ARHGAP35: variants seen among roughly 807,000 people sequenced by gnomAD.
ARHGAP35 encodes the protein rho GTPase-activating protein 35.
In ARHGAP35, 15 loss-of-function variants were observed where a neutral mutation model predicts 111.1. The observed-to-expected ratio is 0.13, with a 90% CI of 0.09 to 0.21. The LOEUF (loss-of-function observed/expected upper bound fraction) is 0.21, where lower values mean the gene tolerates loss of function less well. ARHGAP35 is among the 10% of genes least tolerant of loss of function. The pLI is 1.00. For missense variants in ARHGAP35, 1,262 were observed against 1,873.0 expected (o/e 0.67, Z 6.02); for synonymous variants, 643 against 710.3 (o/e 0.91, Z 1.51).
At chr19:46,941,323 TCTC>T (rs1346437523) in intron 3 of ARHGAP35, among the ~76,000 whole-genome samples, 1 of 152,084 alleles carries the variant, frequency 6.6e-6, no homozygotes, top group Admixed American at 6.5e-5. Flanking sequence ...TGGTAGTTCT[TCTC>T]AGCCAAATTT....
chr19:46,880,713 G>C (rs185905623), intron 1 of ARHGAP35, among the ~76,000 whole-genome samples: 103 of 151,908 alleles, frequency 6.8e-4, no homozygotes, highest in African/African-American at 2.5e-3. Context: ...GTCTTGCTCT[G>C]TCACCCAGGC....
At chr19:46,913,561 C>G (rs1330377521) in intron 1 of ARHGAP35, among the ~76,000 whole-genome samples, 3 of 152,106 alleles carry the variant, frequency 2.0e-5, no homozygotes, top group Non-Finnish European at 2.9e-5. Context: ...TGGTGACAGT[C>G]TGAAGAAGGC....
Position 46,957,054 on chromosome 19 carries a change from C to T in ARHGAP35, c.3826+19646C>T, listed in dbSNP as rs181409162. Among the ~76,000 whole-genome samples, 279 of 151,512 alleles carry T rather than the reference C, an allele frequency of 1.8e-3. 1 individual carries two copies. Among genetic ancestry groups the T allele is most frequent in the Middle Eastern group, 0.017 (5 of 292 alleles). ...TCGGCTCACTGCAACCTCCGCCTCCCGGGTTCACACCATTCTCCTGTCTCA... is the reference window on the plus strand; with the variant it reads ...TCGGCTCACTGCAACCTCCGCCTCCTGGGTTCACACCATTCTCCTGTCTCA... On this transcript the variant is annotated intron_variant, in intron 3 of 6. Coordinates refer to ENST00000672722, the MANE Select transcript of ARHGAP35 (RefSeq NM_004491.5).
Position 46,937,407 on chromosome 19 carries a change from A to G in ARHGAP35, c.3825A>G (p.Thr1275=). The change falls in exon 3 of 7, where the codon ACA becomes ACG. Residue 1275 remains threonine, a splice_region_variant and synonymous_variant. Coordinates refer to ENST00000672722, the MANE Select transcript of ARHGAP35 (RefSeq NM_004491.5). ...IERCIEYIEA[T]GLSTEGIYRV... is the part of the protein sequence containing the mutation. ...GATGTATTGAGTACATTGAAGCCACAGGTAAGAGTATTACCTCATAGCAGT... is the reference window on the plus strand; with the variant it reads ...GATGTATTGAGTACATTGAAGCCACGGGTAAGAGTATTACCTCATAGCAGT... 6.2e-7 allele frequency: 1 copy of G among 1,613,908 alleles called. No individual in the cohort carries two copies. The highest frequency in any genetic ancestry group is 8.5e-7 in the Non-Finnish European group (1 of 1,179,814).
intron 1 of ARHGAP35, among the ~76,000 whole-genome samples, chr19:46,903,295 GTGGGA>G (rs781208527): frequency 2.0e-5 from 3 of 152,144 alleles, no homozygotes; most frequent in Non-Finnish European, 4.4e-5. Context: ...AGTAAATGCC[GTGGGA>G]GTCAGAGTCG....
chr19:46,889,050 G>A (rs573517662), intron 1 of ARHGAP35, among the ~76,000 whole-genome samples: 1 of 152,076 alleles, frequency 6.6e-6, no homozygotes, highest in Admixed American at 6.6e-5. Flanking sequence ...TGGGCATGGT[G>A]GCTCACACCT....
chr19:47,001,736 G>T lies in ARHGAP35; in HGVS notation c.*1048G>T. 1 of 314,720 alleles carries T rather than the reference G, an allele frequency of 3.2e-6. No individual in the cohort carries two copies. Among genetic ancestry groups the T allele is most frequent in the Non-Finnish European group, 6.2e-6 (1 of 160,476 alleles). The allele number at this position is 314,720 out of a possible 1,614,324, so 19.5% of individuals were successfully genotyped here. A position where few individuals can be genotyped will look rare whatever the true frequency, so the allele number is the denominator to read the frequency against. On this transcript the variant is annotated 3_prime_UTR_variant, in exon 7 of 7. Coordinates refer to ENST00000672722, the MANE Select transcript of ARHGAP35 (RefSeq NM_004491.5). This position sits in a 1 kb window ranked among gnomAD's most constrained non-coding sequence, Gnocchi z 5.4. ...CTAATTGAGCATGTGCGTGGGGTGG[G>T]GGTGTGTGTGCACATGTGAGTGTGA...
At position 46,999,943 on chromosome 19, in the gene ARHGAP35, G is replaced by C. The variant is rs763190661; in HGVS notation, c.4143-388G>C. ...ATGGTTGTTCCCTGAAGTTCCATGT[G>C]TGTGGAGGAGATCTGCTGGCCGAGT... On this transcript the variant is annotated intron_variant, in intron 6 of 6. Coordinates refer to ENST00000672722, the MANE Select transcript of ARHGAP35 (RefSeq NM_004491.5). The surrounding 1 kb of genome is among the most constrained non-coding windows in gnomAD (Gnocchi z 5.4). The C allele has an allele frequency of 3.9e-6, 1 of 257,012 alleles. No homozygotes were observed. Among genetic ancestry groups the C allele is most frequent in the East Asian group, 8.2e-5 (1 of 12,178 alleles). 15.9% of individuals were successfully genotyped at this position (257,012 alleles called of 1,614,324 possible). A position where few individuals can be genotyped will look rare whatever the true frequency, so the allele number is the denominator to read the frequency against.
In ARHGAP35 at chr19:46,994,514, A is replaced by G. The variant is rs1426892051; in HGVS notation, c.4037-4790A>G. On this transcript the variant is annotated intron_variant, in intron 5 of 6. Transcript: ENST00000672722. The surrounding 1 kb of genome is among the most constrained non-coding windows in gnomAD (Gnocchi z 5.4). ...TCTGTGCTTGACCACACCCAGGCCCAGGTTGGAGCGGGATAGCCCAGTCAG... is the reference window on the plus strand; with the variant it reads ...TCTGTGCTTGACCACACCCAGGCCCGGGTTGGAGCGGGATAGCCCAGTCAG... Among the ~76,000 whole-genome samples, 5 of 152,168 alleles carry G rather than the reference A, an allele frequency of 3.3e-5. No homozygotes were observed. The highest frequency in any genetic ancestry group is 7.4e-5 in the Non-Finnish European group (5 of 68,014).
rs1177184361 is a variant in ARHGAP35, at chr19:46,888,312, A to G, written c.-189+27103A>G. Among the ~76,000 whole-genome samples the G allele has an allele frequency of 5.8e-3, 361 of 62,456 alleles. 16 individuals carry two copies. The highest frequency in any genetic ancestry group is 7.0e-3 in the Non-Finnish European group (221 of 31,412). 41.0% of individuals were successfully genotyped at this position (62,456 alleles called of 152,430 possible). A position where few individuals can be genotyped will look rare whatever the true frequency, so the allele number is the denominator to read the frequency against. On this transcript the variant is annotated intron_variant, in intron 1 of 6. Transcript: ENST00000672722. Reference sequence around the variant, plus strand: ...TATATATATATATATATATATATATATATATAAAATATTGATTTTATACAC... The same window carrying G: ...TATATATATATATATATATATATATGTATATAAAATATTGATTTTATACAC...
rs900601056 is a variant in ARHGAP35 at position 47,004,225 on chromosome 19, G to A, written c.*3537G>A. ...GTAACGGGGGTGGGCTCCCTCCCTC[G>A]GAGGACATCGTCTGTGTCCAGGTCA... On this transcript the variant is annotated 3_prime_UTR_variant, in exon 7 of 7. Coordinates refer to ENST00000672722, the MANE Select transcript of ARHGAP35 (RefSeq NM_004491.5). 6.6e-6 allele frequency: 1 copy of A among 152,222 alleles called. No homozygotes were observed. The highest frequency in any genetic ancestry group is 1.5e-5 in the Non-Finnish European group (1 of 68,072). The allele number at this position is 152,222 out of a possible 1,614,324, so 9.4% of individuals were successfully genotyped here. A position where few individuals can be genotyped will look rare whatever the true frequency, so the allele number is the denominator to read the frequency against.
intron 3 of ARHGAP35, among the ~76,000 whole-genome samples, chr19:46,983,884 G>A (rs933136069): frequency 6.6e-6 from 1 of 151,938 alleles, no homozygotes; most frequent in African/African-American, 2.4e-5. Flanking sequence ...CAAAGTGCGG[G>A]GATTACAGAC....
At chr19:46,877,274 AT>A (rs989651728) in intron 1 of ARHGAP35, among the ~76,000 whole-genome samples, 43 of 136,574 alleles carry the variant, frequency 3.1e-4, no homozygotes, top group African/African-American at 1.2e-3. Flanking sequence ...AAAAAAAGTT[AT>A]GTTTTGGCTG....
intron 3 of ARHGAP35, among the ~76,000 whole-genome samples, chr19:46,972,261 C>T (rs1478244013): frequency 6.6e-6 from 1 of 151,666 alleles, no homozygotes. Context: ...TCACCCACCT[C>T]AGCCTCCCAA....
At position 46,992,939 on chromosome 19, in the gene ARHGAP35, G is replaced by C. The variant is rs2056686932; in HGVS notation, c.4036+3264G>C. Among the ~76,000 whole-genome samples, 1 of 152,184 alleles carries C rather than the reference G, an allele frequency of 6.6e-6. No individual in the cohort carries two copies. The highest frequency in any genetic ancestry group is 1.5e-5 in the Non-Finnish European group (1 of 68,032). On this transcript the variant is annotated intron_variant, in intron 5 of 6. Coordinates refer to ENST00000672722, the MANE Select transcript of ARHGAP35 (RefSeq NM_004491.5). The surrounding 1 kb of genome is among the most constrained non-coding windows in gnomAD (Gnocchi z 4.4). ...CACCAGCTGCCTTGGGACGTTACTG[G>C]TTCTGGGATCCTGCCTTCCTTTGAT... is the stretch of plus-strand genomic sequence containing the variant.
At position 47,001,886 on chromosome 19, in the gene ARHGAP35, A is replaced by G. The variant is rs139737207; in HGVS notation, c.*1198A>G. On this transcript the variant is annotated 3_prime_UTR_variant, in exon 7 of 7. Transcript: ENST00000672722. This position sits in a 1 kb window ranked among gnomAD's most constrained non-coding sequence, Gnocchi z 5.4. ...CATCCCAGCCATGGAGGCCACCAGCAGGAGTGTTCATGGGGATGTGGGCGA... is the reference window on the plus strand; with the variant it reads ...CATCCCAGCCATGGAGGCCACCAGCGGGAGTGTTCATGGGGATGTGGGCGA... 2,087 of 175,904 alleles carry G rather than the reference A, an allele frequency of 0.012. 45 individuals carry two copies. Among genetic ancestry groups the G allele is most frequent in the Middle Eastern group, 0.015 (6 of 402 alleles). 10.9% of individuals were successfully genotyped at this position (175,904 alleles called of 1,614,324 possible).
intron 1 of ARHGAP35, among the ~76,000 whole-genome samples, chr19:46,866,618 C>T (rs192931363): frequency 2.0e-5 from 3 of 152,270 alleles, no homozygotes; most frequent in African/African-American, 7.2e-5. Context: ...GACTAAGCTC[C>T]TGTTGCTACT....
At chr19:46,980,346 T>G (rs1274504146) in intron 3 of ARHGAP35, among the ~76,000 whole-genome samples, 1 of 152,122 alleles carries the variant, frequency 6.6e-6, no homozygotes, top group Non-Finnish European at 1.5e-5. Flanking sequence ...GATTGCACAT[T>G]GCACTCTGGC....
chr19:46,963,351 G>A (rs930394482), intron 3 of ARHGAP35, among the ~76,000 whole-genome samples: 1 of 152,194 alleles, frequency 6.6e-6, no homozygotes, highest in Non-Finnish European at 1.5e-5. Flanking sequence ...TGCGTGGGGT[G>A]CCTTAAAAGT....
Sources: allele counts gnomAD v4.1 joint callset (sites outside exome capture counted in the v4.1 genomes callset), GRCh38; gene constraint gnomAD v4.1.1; non-coding constraint Gnocchi (gnomAD v3.1); transcripts MANE v1.5; gene names NCBI Gene and HGNC (gene_info 2026-07-23, HGNC 2026-07-21).